Variants in DAB1 observed in about 807,000 individuals in gnomAD.
DAB1 encodes DAB adaptor protein 1, also known as disabled homolog 1.
Under a neutral mutation model 64.6 loss-of-function variants are expected in DAB1, and 15 were observed. The observed-to-expected ratio is 0.23, with a 90% CI of 0.16 to 0.36. The LOEUF (loss-of-function observed/expected upper bound fraction) is 0.36. DAB1 is among the 10% of genes least tolerant of loss of function. The pLI is 1.00. For synonymous variants in DAB1, 235 were observed against 251.9 expected, an observed-to-expected ratio of 0.93 and a Z score of 0.64; for missense variants, 596 against 706.7, an observed-to-expected ratio of 0.84 and a Z score of 1.78.
At chr1:57,953,763 G>T (rs918258342) in intron 5 of DAB1, among the ~76,000 whole-genome samples, 1 of 152,164 alleles carries the variant, frequency 6.6e-6, no homozygotes, top group Non-Finnish European at 1.5e-5. Flanking sequence ...GGAGAGAAAG[G>T]TTAGCCCCTC....
At chr1:57,858,675 T>C in intron 1 of DAB1, among the ~76,000 whole-genome samples, 1 of 151,772 alleles carries the variant, frequency 6.6e-6, no homozygotes, top group East Asian at 1.9e-4. Flanking sequence ...AAGTTCTGGC[T>C]GACAACTGAC....
chr1:57,737,371 A>C (rs1396344660), intron 6 of DAB1, among the ~76,000 whole-genome samples: 1 of 152,222 alleles, frequency 6.6e-6, no homozygotes, highest in African/African-American at 2.4e-5. Flanking sequence ...CATGAGTTCT[A>C]GAGCCACTGG....
intron 7 of DAB1, among the ~76,000 whole-genome samples, chr1:57,507,568 G>A (rs1177775737): frequency 2.0e-5 from 3 of 152,146 alleles, no homozygotes; most frequent in Admixed American, 2.0e-4. Context: ...GGCCTGAACT[G>A]TGAGTCGAAT....
At chr1:57,385,540 G>A (rs1437959020) in intron 1 of DAB1, among the ~76,000 whole-genome samples, 2 of 152,134 alleles carry the variant, frequency 1.3e-5, no homozygotes, top group Admixed American at 1.3e-4. Flanking sequence ...ATGAGACATA[G>A]CCCCTGCCTT....
chr1:58,456,693 A>G (rs1645196103), intron 3 of DAB1, among the ~76,000 whole-genome samples: 1 of 152,212 alleles, frequency 6.6e-6, no homozygotes, highest in Non-Finnish European at 1.5e-5. Flanking sequence ...CCATTGAGTC[A>G]CCAAATACTT....
chr1:58,081,788 G>T (rs1057349257), intron 5 of DAB1, among the ~76,000 whole-genome samples: 3 of 152,198 alleles, frequency 2.0e-5, no homozygotes, highest in Non-Finnish European at 4.4e-5. Context: ...TTAGAGAGCA[G>T]TAAATGAATA....
At chr1:57,735,065 G>A (rs1363853890) in intron 6 of DAB1, among the ~76,000 whole-genome samples, 2 of 152,096 alleles carry the variant, frequency 1.3e-5, no homozygotes, top group Non-Finnish European at 2.9e-5. Flanking sequence ...TTCATTTAGG[G>A]ATTTCATGGT....
chr1:57,220,534 G>A (rs1306989520), intron 2 of DAB1, among the ~76,000 whole-genome samples: 3 of 152,150 alleles, frequency 2.0e-5, no homozygotes, highest in African/African-American at 7.2e-5. Flanking sequence ...TGTACAACCA[G>A]GGAAACAGAG....
At chr1:57,783,037 C>CTT (rs1650175976) in intron 6 of DAB1, among the ~76,000 whole-genome samples, 1 of 76,298 alleles carries the variant, frequency 1.3e-5, no homozygotes, top group South Asian at 6.3e-4. Flanking sequence ...CCCTTGCTTG[C>CTT]TCTTTCTTTC....
At chr1:58,178,229 C>T (rs1473269413) in intron 4 of DAB1, among the ~76,000 whole-genome samples, 1 of 152,180 alleles carries the variant, frequency 6.6e-6, no homozygotes, top group Non-Finnish European at 1.5e-5. Context: ...ATCTGCTCCT[C>T]CCCTCCGTTC....
Position 57,628,780 on chromosome 1 carries a change from T to A in DAB1, n.625+20812A>T, listed in dbSNP as rs537629970. ...GTGTTACAGCTTATTGGTTATTTCA[T>A]CTGGCACTTTCATCAAATTAGTTTG... On this transcript the variant is annotated intron_variant and non_coding_transcript_variant, in intron 7 of 20. Coordinates refer to the DAB1 transcript ENST00000485760. Among the ~76,000 whole-genome samples, 15 of 152,246 alleles carry A rather than the reference T, an allele frequency of 9.9e-5. No homozygotes were observed. The South Asian group carries it at 3.1e-3, about 31-fold the overall frequency.
intron 4 of DAB1, among the ~76,000 whole-genome samples, chr1:58,206,558 A>G (rs1317472436): frequency 6.6e-6 from 1 of 152,146 alleles, no homozygotes; most frequent in Non-Finnish European, 1.5e-5. Context: ...TACTAACACT[A>G]TGTTATAACC....
chr1:57,605,743 C>T (rs1645628119), intron 7 of DAB1: 1 of 331,314 alleles, frequency 3.0e-6, no homozygotes, highest in Non-Finnish European at 5.8e-6. Context: ...ACAGTTTAAT[C>T]CCTAAACTGA....
intron 4 of DAB1, among the ~76,000 whole-genome samples, chr1:58,301,756 C>T (rs1400293808): frequency 6.6e-6 from 1 of 152,072 alleles, no homozygotes; most frequent in African/African-American, 2.4e-5. Flanking sequence ...GCCTTGAGTT[C>T]GAATTCTGAC....
intron 5 of DAB1, among the ~76,000 whole-genome samples, chr1:57,970,608 T>C (rs1260137603): frequency 2.0e-5 from 3 of 152,184 alleles, no homozygotes; most frequent in Non-Finnish European, 2.9e-5. Flanking sequence ...GAAGATACTA[T>C]AGAAAGCTGG....
chr1:57,028,087 T>C (rs1163674728), intron 9 of DAB1, among the ~76,000 whole-genome samples: 2 of 152,150 alleles, frequency 1.3e-5, no homozygotes, highest in African/African-American at 4.8e-5. Context: ...AGGAAATTGA[T>C]CTGGTTTGGC....
intron 1 of DAB1, among the ~76,000 whole-genome samples, chr1:57,333,175 C>T (rs1014494933): frequency 4.6e-5 from 7 of 152,300 alleles, no homozygotes; most frequent in African/African-American, 1.7e-4. Flanking sequence ...TTGATTCTGG[C>T]TGGAATGTAA....
chr1:58,439,793 T>C (rs1644987822), intron 3 of DAB1, among the ~76,000 whole-genome samples: 1 of 152,236 alleles, frequency 6.6e-6, no homozygotes, highest in African/African-American at 2.4e-5. Flanking sequence ...GAGGCCCGTC[T>C]GTATAAAGCA....
chr1:57,073,426 G>A (rs1245102875), intron 4 of DAB1, among the ~76,000 whole-genome samples: 1 of 152,176 alleles, frequency 6.6e-6, no homozygotes, highest in Non-Finnish European at 1.5e-5. Flanking sequence ...TTCATTATCT[G>A]AGCTTCAACA....
Sources: gnomAD v4.1 joint callset for allele counts (sites outside exome capture counted in the v4.1 genomes callset) on GRCh38, gnomAD v4.1.1 for gene constraint, MANE v1.5 for transcripts, NCBI Gene and HGNC (gene_info 2026-07-23, HGNC 2026-07-21) for gene names.